The following FAT3 variants were observed in gnomAD, a reference collection of about 807,000 sequenced individuals.
The protein encoded by FAT3 is protocadherin Fat 3.
Under a neutral mutation model 310.2 loss-of-function variants are expected in FAT3, and 95 were observed. The ratio of observed to expected loss-of-function variants is 0.31; its 90% CI spans 0.26 to 0.36. The LOEUF (loss-of-function observed/expected upper bound fraction) is 0.36. Among genes scored for constraint, FAT3 ranks in the 10% least tolerant of loss-of-function variants. FAT3 has a pLI of 1.00. For missense variants in FAT3, 5,408 were observed against 5,715.6 expected, an observed-to-expected ratio of 0.95 and a Z score of 1.74; for synonymous variants, 2,314 against 2,192.9, an observed-to-expected ratio of 1.06 and a Z score of -1.54.
intron 15 of FAT3, among the ~76,000 whole-genome samples, 191 bp from the exon 16 acceptor site, chr11:92,836,375 G>T (rs532018354): frequency 7.9e-5 from 12 of 152,190 alleles, no homozygotes; most frequent in African/African-American, 2.6e-4. Flanking sequence ...TGGCAGCTGC[G>T]GGCCTGGTGC....
chr11:92,553,105 G>A (rs968505861), intron 3 of FAT3, among the ~76,000 whole-genome samples: 38 of 152,134 alleles, frequency 2.5e-4, no homozygotes, highest in African/African-American at 8.4e-4. Context: ...TCATTCCTAA[G>A]CCAAAAAAAC....
chr11:92,337,518 G>C (rs1484021238), intron 1 of FAT3, among the ~76,000 whole-genome samples: 1 of 152,102 alleles, frequency 6.6e-6, no homozygotes, highest in Non-Finnish European at 1.5e-5. Context: ...TGCAACCTCT[G>C]CCTCCTGGGT....
chr11:92,613,814 C>T (rs1940680105), intron 3 of FAT3, among the ~76,000 whole-genome samples: 1 of 152,126 alleles, frequency 6.6e-6, no homozygotes, highest in African/African-American at 2.4e-5. Context: ...TTAGTTTATT[C>T]ACAGAATTGT....
At chr11:92,605,399 C>T (rs1265353574) in intron 3 of FAT3, among the ~76,000 whole-genome samples, 2 of 152,198 alleles carry the variant, frequency 1.3e-5, no homozygotes, top group Admixed American at 6.5e-5. Flanking sequence ...ATCCCACAGG[C>T]ACCCACTCTA....
intron 23 of FAT3, 143 bp from the exon 24 acceptor site, chr11:92,882,595 C>A (rs1012662086): frequency 1.7e-6 from 1 of 580,764 alleles, no homozygotes; most frequent in South Asian, 3.1e-5. Flanking sequence ...TCCCCCCCCC[C>A]ACCAACCATC....
chr11:92,590,950 G>C (rs369354977), intron 3 of FAT3, among the ~76,000 whole-genome samples: 17 of 152,162 alleles, frequency 1.1e-4, no homozygotes, highest in African/African-American at 4.1e-4. Flanking sequence ...AAATGGATGA[G>C]CCAACACAGA....
intron 2 of FAT3, among the ~76,000 whole-genome samples, chr11:92,356,979 G>A (rs188937361): frequency 1.1e-3 from 161 of 152,160 alleles, no homozygotes; most frequent in African/African-American, 3.6e-3. Context: ...ATTGGTCTCC[G>A]TGGCTATAGT....
chr11:92,767,629 T>A (rs1946348210), intron 6 of FAT3, among the ~76,000 whole-genome samples: 1 of 152,174 alleles, frequency 6.6e-6, no homozygotes, highest in Admixed American at 6.5e-5. Context: ...CCTGCATGTG[T>A]GTGTGTGACT....
At chr11:92,754,435 C>G (rs1417480319) in intron 4 of FAT3, among the ~76,000 whole-genome samples, 1 of 151,422 alleles carries the variant, frequency 6.6e-6, no homozygotes, top group Non-Finnish European at 1.5e-5. Flanking sequence ...ACCATCCTGG[C>G]TAACACAGTG....
intron 1 of FAT3, among the ~76,000 whole-genome samples, chr11:92,238,471 G>T (rs531581656): frequency 6.5e-4 from 99 of 152,160 alleles, no homozygotes; most frequent in African/African-American, 2.3e-3. Context: ...TTGAAATTTC[G>T]TTTGTATAGC....
chr11:92,849,474 T>C (rs1314095556), intron 19 of FAT3, among the ~76,000 whole-genome samples: 3 of 152,230 alleles, frequency 2.0e-5, no homozygotes, highest in African/African-American at 7.2e-5. Flanking sequence ...AGACCCAACC[T>C]GGCTAACCCT....
At chr11:92,765,147 A>T in intron 6 of FAT3, 58 bp downstream of exon 6, 11 of 1,116,452 alleles carry the variant, frequency 9.9e-6, no homozygotes, top group Non-Finnish European at 1.3e-5. Flanking sequence ...TGAAGCAACT[A>T]GGAAAAAAAA....
intron 1 of FAT3, among the ~76,000 whole-genome samples, chr11:92,270,952 A>G (rs79758080): frequency 0.015 from 2,283 of 152,050 alleles, 62 homozygotes; most frequent in African/African-American, 0.051. Flanking sequence ...CATCCAATCC[A>G]TTAGCAAAGC....
intron 2 of FAT3, among the ~76,000 whole-genome samples, chr11:92,388,358 C>T (rs867206612): frequency 1.3e-5 from 2 of 152,118 alleles, no homozygotes; most frequent in Non-Finnish European, 2.9e-5. Flanking sequence ...GATCTCCCAA[C>T]TATCACTGAG....
chr11:92,466,199 ATAATATCTGTTC>A (rs1392273444), intron 2 of FAT3, among the ~76,000 whole-genome samples: 1 of 152,154 alleles, frequency 6.6e-6, no homozygotes, highest in South Asian at 2.1e-4. Flanking sequence ...ATTTCTAGGG[ATAATATCTGTTC>A]TAATACCTTC....
chr11:92,407,262 T>A (rs1950154983), intron 2 of FAT3, among the ~76,000 whole-genome samples: 1 of 152,164 alleles, frequency 6.6e-6, no homozygotes, highest in South Asian at 2.1e-4. Context: ...GAATGAGTTT[T>A]TTTTATTCCC....
chr11:92,728,475 A>C (rs546419141), intron 4 of FAT3, among the ~76,000 whole-genome samples: 1 of 152,308 alleles, frequency 6.6e-6, no homozygotes, highest in Admixed American at 6.5e-5. Context: ...GCAGAACTGG[A>C]CTGCTGGAAT....
chr11:92,253,287 A>G (rs894583496), intron 1 of FAT3, among the ~76,000 whole-genome samples: 15 of 152,022 alleles, frequency 9.9e-5, no homozygotes, highest in South Asian at 2.1e-4. Flanking sequence ...TAAGAAATGC[A>G]TCTACTCAGA....
At chr11:92,780,134 C>CTTCTAAGTTTATGGTAAG (rs1414405170) in intron 7 of FAT3, among the ~76,000 whole-genome samples, 1 of 150,228 alleles carries the variant, frequency 6.7e-6, no homozygotes, top group Non-Finnish European at 1.5e-5. Context: ...GTGTTTTAAG[C>CTTCTAAGTTTATGGTAAG]TTCTAAGTTT....
Sources: gnomAD v4.1 joint callset for allele counts (sites outside exome capture counted in the v4.1 genomes callset) on GRCh38, gnomAD v4.1.1 for gene constraint, MANE v1.5 for transcripts, NCBI Gene and HGNC (gene_info 2026-07-23, HGNC 2026-07-21) for gene names.